The following TENM4 variants were observed in gnomAD, a reference collection of about 807,000 sequenced individuals.
TENM4 encodes the protein teneurin transmembrane protein 4.
TENM4 carries 82 observed loss-of-function variants against 243.3 expected under a neutral mutation model. That is an observed-to-expected ratio of 0.34 (90% CI 0.28 to 0.40). The LOEUF is 0.40. TENM4 is among the 10% of genes least tolerant of loss of function. TENM4 has a pLI of 1.00. For missense variants in TENM4, 3,138 were observed against 3,673.3 expected (o/e 0.85, Z 3.77); for synonymous variants, 1,412 against 1,456.3 (o/e 0.97, Z 0.69).
chr11:78,764,726 G>A (rs1014439741), intron 18 of TENM4, among the ~76,000 whole-genome samples: 2 of 152,172 alleles, frequency 1.3e-5, no homozygotes, highest in African/African-American at 4.8e-5. Context: ...TTAGGCACTG[G>A]ATGCTCAGGA....
In TENM4 at chr11:78,717,610, C is replaced by T. The variant is rs557608458; in HGVS notation, c.3821+2760G>A. On this transcript the variant is annotated intron_variant, in intron 25 of 33. Transcript: ENST00000278550. ...ACAAAATTGCATGAAGAATATAAAC[C>T]TCTGAGCATAGTGCCTGTTCCACTA... 3.2e-3 allele frequency among the ~76,000 whole-genome samples: 487 copies of T among 152,242 alleles called. 3 individuals are homozygous for T. The highest frequency in any genetic ancestry group is 0.025 in the South Asian group (118 of 4,814).
At chr11:79,166,692 T>C (rs1862922880) in intron 3 of TENM4, among the ~76,000 whole-genome samples, 1 of 152,212 alleles carries the variant, frequency 6.6e-6, no homozygotes, top group Non-Finnish European at 1.5e-5. Flanking sequence ...ATTCAGTCGG[T>C]CTAGCTCAAT....
intron 6 of TENM4, among the ~76,000 whole-genome samples, chr11:78,964,572 G>A (rs547384209): frequency 1.3e-5 from 2 of 152,312 alleles, no homozygotes; most frequent in South Asian, 2.1e-4. Flanking sequence ...TTTTAAGCCA[G>A]CATTCCCGAT....
At chr11:79,215,607 C>T (rs1357367892) in intron 3 of TENM4, among the ~76,000 whole-genome samples, 1 of 152,196 alleles carries the variant, frequency 6.6e-6, no homozygotes, top group Non-Finnish European at 1.5e-5. Context: ...GCAACCGTTG[C>T]CACCTACCAG....
intron 9 of TENM4, among the ~76,000 whole-genome samples, chr11:78,877,961 A>G (rs946611987): frequency 4.6e-5 from 7 of 152,182 alleles, no homozygotes; most frequent in African/African-American, 1.7e-4. Flanking sequence ...TGCTTGAGTC[A>G]TAAGTAGTTA....
intron 1 of TENM4, among the ~76,000 whole-genome samples, chr11:79,433,567 A>G (rs563359240): frequency 5.3e-5 from 8 of 152,356 alleles, no homozygotes; most frequent in Middle Eastern, 3.4e-3. Context: ...AAAGAAAAAC[A>G]TTCTTAAAAC....
chr11:78,701,774 A>G lies in TENM4; in HGVS notation c.4839T>C (p.Thr1613=), dbSNP rs1390476501. 9 of 1,613,754 alleles carry G rather than the reference A, an allele frequency of 5.6e-6. No homozygotes were observed. The highest frequency in any genetic ancestry group is 7.6e-6 in the Non-Finnish European group (9 of 1,179,826). The change falls in exon 28 of 34, where the codon ACT becomes ACC. Residue 1613 remains threonine, a synonymous_variant. Coordinates refer to ENST00000278550, the MANE Select transcript of TENM4 (RefSeq NM_001098816.3). ...TGDYLYNFTY[T]GDGDITLITD... is the part of the protein sequence containing the mutation. ...TGATGAGTGTGATGTCGCCGTCCCCAGTGTAGGTGAAGTTGTACAGGTAGT... is the reference window on the plus strand; with the variant it reads ...TGATGAGTGTGATGTCGCCGTCCCCGGTGTAGGTGAAGTTGTACAGGTAGT...
At chr11:79,104,809 T>A (rs1861323155) in intron 4 of TENM4, among the ~76,000 whole-genome samples, 1 of 152,172 alleles carries the variant, frequency 6.6e-6, no homozygotes, top group Non-Finnish European at 1.5e-5. Flanking sequence ...GATCCTACTG[T>A]ACACAAAGCA....
At chr11:79,041,520 A>G (rs1245273425) in intron 6 of TENM4, among the ~76,000 whole-genome samples, 1 of 151,006 alleles carries the variant, frequency 6.6e-6, no homozygotes, top group Non-Finnish European at 1.5e-5. Flanking sequence ...CGAAGAAACA[A>G]TTTACTTTTC....
chr11:79,334,919 T>A (rs512311), intron 1 of TENM4, among the ~76,000 whole-genome samples: 127,008 of 152,152 alleles, frequency 0.83, 53,603 homozygotes, highest in African/African-American at 0.93. Context: ...GATTTCTTTC[T>A]TGCCTTTGGG....
chr11:78,764,337 A>C (rs1183127797), intron 18 of TENM4, among the ~76,000 whole-genome samples: 1 of 152,196 alleles, frequency 6.6e-6, no homozygotes. Context: ...CTTTCTGTAC[A>C]TCGAGCTGTT....
intron 1 of TENM4, among the ~76,000 whole-genome samples, chr11:79,434,209 G>A (rs1859226111): frequency 6.6e-6 from 1 of 152,206 alleles, no homozygotes; most frequent in East Asian, 1.9e-4. Flanking sequence ...AAAATAGCAT[G>A]TAGGCATGTT....
At chr11:79,007,435 T>G (rs969869070) in intron 6 of TENM4, among the ~76,000 whole-genome samples, 1 of 151,988 alleles carries the variant, frequency 6.6e-6, no homozygotes, top group African/African-American at 2.4e-5. Flanking sequence ...CTAAGCAGGG[T>G]GTAGAACACA....
intron 1 of TENM4, among the ~76,000 whole-genome samples, chr11:79,412,588 C>T (rs1858723856): frequency 6.6e-6 from 1 of 152,196 alleles, no homozygotes; most frequent in African/African-American, 2.4e-5. Flanking sequence ...GGAAAAGTAA[C>T]AGTCCTTACT....
At chr11:79,043,123 G>T (rs1859578667) in intron 6 of TENM4, among the ~76,000 whole-genome samples, 1 of 152,138 alleles carries the variant, frequency 6.6e-6, no homozygotes, top group Admixed American at 6.5e-5. Context: ...AGAGCTAACA[G>T]CACAATTCCT....
intron 6 of TENM4, among the ~76,000 whole-genome samples, chr11:79,016,824 G>A (rs1858787103): frequency 6.6e-6 from 1 of 152,186 alleles, no homozygotes. Context: ...AGATTGAGAG[G>A]GGAGGTGAGA....
intron 6 of TENM4, among the ~76,000 whole-genome samples, chr11:79,019,998 C>T (rs1413209503): frequency 1.3e-5 from 2 of 152,244 alleles, no homozygotes; most frequent in Non-Finnish European, 2.9e-5. Flanking sequence ...TCCCACCACC[C>T]TGCCAGCCTG....
chr11:79,394,138 G>A (rs1858293026), intron 1 of TENM4, among the ~76,000 whole-genome samples: 1 of 152,188 alleles, frequency 6.6e-6, no homozygotes, highest in African/African-American at 2.4e-5. Context: ...TCAAAATTTG[G>A]CTTACACTCT....
intron 11 of TENM4, among the ~76,000 whole-genome samples, chr11:78,855,663 T>C (rs1456523700): frequency 1.3e-5 from 2 of 152,322 alleles, no homozygotes; most frequent in East Asian, 3.9e-4. Context: ...ATCTGTCTGA[T>C]TCTAAACTGC....
Sources: gnomAD v4.1 joint callset for allele counts (sites outside exome capture counted in the v4.1 genomes callset) on GRCh38, gnomAD v4.1.1 for gene constraint, MANE v1.5 for transcripts, NCBI Gene and HGNC (gene_info 2026-07-23, HGNC 2026-07-21) for gene names.